SMCO2: variants seen among roughly 807,000 people sequenced by gnomAD.
SMCO2 encodes the protein single-pass membrane protein with coiled-coil domains 2, also known as single-pass membrane and coiled-coil domain-containing protein 2.
Under a neutral mutation model 29.5 loss-of-function variants are expected in SMCO2, and 25 were observed. That is an observed-to-expected ratio of 0.85 (90% CI 0.62 to 1.18). SMCO2 has a LOEUF of 1.18. Ranked by LOEUF, SMCO2 falls within the 50% of genes most tolerant of loss-of-function variation. SMCO2 has a pLI of 0.00. For missense variants in SMCO2, 348 were observed against 344.5 expected (o/e 1.01, Z -0.08); for synonymous variants, 117 against 123.3 (o/e 0.95, Z 0.34).
At position 27,480,250 on chromosome 12, in the gene SMCO2, G is replaced by A. The variant is rs1285649473; in HGVS notation, c.362+5337G>A. Among the ~76,000 whole-genome samples the A allele has an allele frequency of 3.9e-5, 6 of 152,306 alleles. No homozygotes were observed. The South Asian group carries it at 6.2e-4, about 16-fold the overall frequency. Reference sequence around the variant, plus strand: ...CCTTGTTCCAGCTGTGCTGGCAGCCGATTGGATGGTGTCCACCCACACTGA... The same window carrying A: ...CCTTGTTCCAGCTGTGCTGGCAGCCAATTGGATGGTGTCCACCCACACTGA... On this transcript the variant is annotated intron_variant, in intron 4 of 7. Transcript: ENST00000298876.
chr12:27,433,080 C>T, the SMCO2 span, among the ~76,000 whole-genome samples: 11 of 152,142 alleles, frequency 7.2e-5, no homozygotes, highest in Middle Eastern at 3.4e-3. Flanking sequence ...TATTCTACAT[C>T]GTAACTATCT....
At chr12:27,451,420 C>G in the SMCO2 span, among the ~76,000 whole-genome samples, 3 of 151,954 alleles carry the variant, frequency 2.0e-5, no homozygotes, top group Admixed American at 1.3e-4. Context: ...CCCTGCTGGT[C>G]CCCTCTCTAG....
chr12:27,452,366 T>A, the SMCO2 span, among the ~76,000 whole-genome samples: 3 of 152,288 alleles, frequency 2.0e-5, no homozygotes, highest in Admixed American at 2.0e-4. Flanking sequence ...CCCTCCTGAG[T>A]CTCCATGGTC....
chr12:27,474,642 G>C, intron 3 of SMCO2, 144 bp from the exon 4 acceptor site: 1 of 893,938 alleles, frequency 1.1e-6, no homozygotes, highest in South Asian at 1.7e-5. Context: ...TGTCTGCTTA[G>C]CTTACAGATG....
chr12:27,440,296 A>G, the SMCO2 span, among the ~76,000 whole-genome samples: 1 of 152,252 alleles, frequency 6.6e-6, no homozygotes, highest in Non-Finnish European at 1.5e-5. Flanking sequence ...TCTTTTAGAG[A>G]AAAACAAAAG....
intron 4 of SMCO2, among the ~76,000 whole-genome samples, chr12:27,484,220 G>A (rs764985865): frequency 1.2e-4 from 18 of 151,890 alleles, no homozygotes; most frequent in African/African-American, 2.2e-4. Flanking sequence ...GTGAAACCCC[G>A]TCTCTACTAA....
intron 2 of SMCO2, 28 bp downstream of exon 2, chr12:27,470,793 A>G: frequency 6.5e-7 from 1 of 1,547,402 alleles, no homozygotes. Context: ...TTGCAGAAGC[A>G]GTTTCTAGGG....
chr12:27,456,107 C>A, the SMCO2 span, among the ~76,000 whole-genome samples: 1 of 152,130 alleles, frequency 6.6e-6, no homozygotes, highest in Non-Finnish European at 1.5e-5. Flanking sequence ...CCCAGCTACT[C>A]GGGAGGCTGA....
intron 7 of SMCO2, chr12:27,497,540 G>C (rs1178516885): frequency 1.3e-5 from 2 of 159,170 alleles, no homozygotes. Context: ...CCAGGAGTTT[G>C]AGACCAGCCT....
intron 1 of SMCO2, among the ~76,000 whole-genome samples, chr12:27,469,038 G>T (rs967932633): frequency 2.6e-5 from 4 of 152,158 alleles, no homozygotes; most frequent in African/African-American, 9.7e-5. Context: ...ACTCTTGGGG[G>T]AGACATTGAG....
At chr12:27,494,507 TA>T (rs1942973880) in intron 6 of SMCO2, among the ~76,000 whole-genome samples, 151 bp downstream of exon 7, 2 of 147,912 alleles carry the variant, frequency 1.4e-5, no homozygotes, top group African/African-American at 4.9e-5. Flanking sequence ...TTATTATTAT[TA>T]TTATTATTAT....
chr12:27,442,133 T>C, the SMCO2 span, among the ~76,000 whole-genome samples: 3 of 152,060 alleles, frequency 2.0e-5, no homozygotes, highest in Non-Finnish European at 4.4e-5. Flanking sequence ...AAGAACCTAA[T>C]GATGTACCTC....
At chr12:27,469,037 G>A (rs531387337) in intron 1 of SMCO2, among the ~76,000 whole-genome samples, 22 of 152,238 alleles carry the variant, frequency 1.4e-4, no homozygotes, top group Non-Finnish European at 2.8e-4. Context: ...CACTCTTGGG[G>A]GAGACATTGA....
chr12:27,461,062 G>C, the SMCO2 span, among the ~76,000 whole-genome samples: 1 of 151,904 alleles, frequency 6.6e-6, no homozygotes, highest in East Asian at 1.9e-4. Flanking sequence ...AAACCACCCC[G>C]CATGTTCACG....
intron 4 of SMCO2, among the ~76,000 whole-genome samples, chr12:27,487,699 C>T (rs405332): frequency 1.3e-5 from 2 of 151,382 alleles, no homozygotes; most frequent in South Asian, 4.2e-4. Flanking sequence ...TGAATGATCG[C>T]GTTTCTCCAC....
rs567264642 is a variant in SMCO2 at position 27,477,255 on chromosome 12, T to C, written c.362+2342T>C. 2.1e-5 allele frequency among the ~76,000 whole-genome samples: 3 copies of C among 144,420 alleles called. No individual in the cohort carries two copies. The Admixed American group carries it at 2.1e-4, about 10-fold the overall frequency. 94.7% of individuals were successfully genotyped at this position (144,420 alleles called of 152,430 possible). ...TTTTTTCCTCTCAGCACTTTGAATA[T>C]ATCATCCCATTCTCTCCTTGCCTAT... On this transcript the variant is annotated intron_variant, in intron 4 of 7. Coordinates refer to ENST00000298876, the Ensembl canonical transcript of SMCO2.
At chr12:27,464,716 C>CAAAAAAAAAAAAA (rs767874837), upstream of SMCO2, among the ~76,000 whole-genome samples, 30 of 46,126 alleles carry the variant, frequency 6.5e-4, no homozygotes, top group African/African-American at 2.6e-3. Context: ...GACCCTGTCT[C>CAAAAAAAAAAAAA]AAAAAAAAAA....
the SMCO2 span, among the ~76,000 whole-genome samples, chr12:27,441,585 G>C: frequency 2.0e-5 from 3 of 152,046 alleles, no homozygotes; most frequent in Non-Finnish European, 2.9e-5. Flanking sequence ...AAAATATAAA[G>C]TAAACATTAA....
the SMCO2 span, among the ~76,000 whole-genome samples, chr12:27,436,665 A>G: frequency 6.6e-6 from 1 of 152,238 alleles, no homozygotes; most frequent in African/African-American, 2.4e-5. Flanking sequence ...GATCAAGTAA[A>G]GGAATGCTCC....
Sources: allele counts gnomAD v4.1 joint callset (sites outside exome capture counted in the v4.1 genomes callset), GRCh38; gene constraint gnomAD v4.1.1; transcripts MANE v1.5; gene names NCBI Gene and HGNC (gene_info 2026-07-23, HGNC 2026-07-21).